The following PRKACB variants were observed in gnomAD, a reference collection of about 807,000 sequenced individuals.
The protein encoded by PRKACB is protein kinase cAMP-activated catalytic subunit beta, also known as cAMP-dependent protein kinase catalytic subunit beta.
In PRKACB, 16 loss-of-function variants were observed where a neutral mutation model predicts 51.4. That is an observed-to-expected ratio of 0.31 (90% CI 0.21 to 0.47). The LOEUF is 0.47. Among genes scored for constraint, PRKACB ranks in the 20% least tolerant of loss-of-function variants. The pLI is 1.00. For missense variants in PRKACB, 309 were observed against 464.5 expected (o/e 0.67, Z 3.08); for synonymous variants, 147 against 154.4 (o/e 0.95, Z 0.35).
intron 5 of PRKACB, among the ~76,000 whole-genome samples, chr1:84,193,912 T>C (rs1290910413): frequency 1.3e-5 from 2 of 152,276 alleles, no homozygotes; most frequent in East Asian, 1.9e-4. Context: ...AAAATGATGG[T>C]GGCAGACTCA....
At chr1:84,094,119 A>G (rs1378870973) in intron 1 of PRKACB, among the ~76,000 whole-genome samples, 1 of 152,010 alleles carries the variant, frequency 6.6e-6, no homozygotes, top group Non-Finnish European at 1.5e-5. Flanking sequence ...TAGGACTTGC[A>G]ATACAGTAGT....
chr1:84,213,424 G>A (rs1032679371), intron 8 of PRKACB, among the ~76,000 whole-genome samples: 1 of 152,064 alleles, frequency 6.6e-6, no homozygotes, highest in African/African-American at 2.4e-5. Context: ...AATAGACTTA[G>A]GTCTCCTATA....
At chr1:84,177,031 A>G (rs556236938) in intron 1 of PRKACB, among the ~76,000 whole-genome samples, 120 of 152,126 alleles carry the variant, frequency 7.9e-4, no homozygotes, top group Non-Finnish European at 1.4e-3. Context: ...TCCACTTAGC[A>G]TAAAGTGACA....
intron 1 of PRKACB, among the ~76,000 whole-genome samples, chr1:84,103,028 G>A (rs1649470618): frequency 6.6e-6 from 1 of 152,092 alleles, no homozygotes; most frequent in South Asian, 2.1e-4. Flanking sequence ...ATGAGGAGTT[G>A]CACTCAGGAA....
At chr1:84,211,573 G>A (rs990273569) in intron 8 of PRKACB, among the ~76,000 whole-genome samples, 1 of 152,096 alleles carries the variant, frequency 6.6e-6, no homozygotes, top group African/African-American at 2.4e-5. Flanking sequence ...GAAAATTTCA[G>A]TCTTTTAGAA....
At chr1:84,103,332 C>T (rs766789826) in intron 1 of PRKACB, among the ~76,000 whole-genome samples, 17 of 149,734 alleles carry the variant, frequency 1.1e-4, no homozygotes, top group Non-Finnish European at 1.8e-4. Context: ...CTCTTTTAAG[C>T]GAACTGCTAT....
At chr1:84,110,897 T>C (rs1650179392) in intron 1 of PRKACB, among the ~76,000 whole-genome samples, 1 of 152,004 alleles carries the variant, frequency 6.6e-6, no homozygotes, top group Non-Finnish European at 1.5e-5. Flanking sequence ...TTGGGTGTCA[T>C]CTTAGATTCT....
intron 9 of PRKACB, among the ~76,000 whole-genome samples, chr1:84,220,249 T>C (rs999497382): frequency 6.6e-6 from 1 of 152,188 alleles, no homozygotes; most frequent in African/African-American, 2.4e-5. Flanking sequence ...CTGATTTCTT[T>C]CTTAGCTTGA....
chr1:84,214,883 T>A (rs1672672980), intron 9 of PRKACB, among the ~76,000 whole-genome samples: 1 of 152,230 alleles, frequency 6.6e-6, no homozygotes, highest in Non-Finnish European at 1.5e-5. Context: ...CTATGCTTGT[T>A]ACGCTTCACA....
chr1:84,179,729 T>C (rs1558136813), intron 2 of PRKACB, among the ~76,000 whole-genome samples: 1 of 151,914 alleles, frequency 6.6e-6, no homozygotes, highest in African/African-American at 2.4e-5. Context: ...AAACTGTATA[T>C]AAAAAACCAT....
At chr1:84,168,811 TA>T (rs1658407686) in intron 1 of PRKACB, among the ~76,000 whole-genome samples, 2 of 151,564 alleles carry the variant, frequency 1.3e-5, no homozygotes, top group Non-Finnish European at 3.0e-5. Context: ...CTAAAACAGC[TA>T]TAGTGGGACA....
At chr1:84,083,447 T>C (rs958529916) in intron 1 of PRKACB, among the ~76,000 whole-genome samples, 2 of 152,194 alleles carry the variant, frequency 1.3e-5, no homozygotes, top group African/African-American at 4.8e-5. Flanking sequence ...GTAGACAGAT[T>C]GTTGCTTTTT....
chr1:84,118,953 A>G (rs1323115469), intron 1 of PRKACB, among the ~76,000 whole-genome samples: 3 of 152,216 alleles, frequency 2.0e-5, no homozygotes, highest in Non-Finnish European at 4.4e-5. Context: ...TGCAAGAAGC[A>G]GAGACCCTAT....
intron 9 of PRKACB, 143 bp downstream of exon 9, chr1:84,214,460 G>T: frequency 1.3e-6 from 1 of 757,154 alleles, no homozygotes; most frequent in Non-Finnish European, 1.9e-6. Flanking sequence ...GTACTTTACA[G>T]CCCATAACTT....
At chr1:84,180,543 C>T (rs1663078191) in intron 2 of PRKACB, among the ~76,000 whole-genome samples, 1 of 151,564 alleles carries the variant, frequency 6.6e-6, no homozygotes, top group African/African-American at 2.4e-5. Context: ...TAACCAAATA[C>T]CACCTGTACC....
intron 1 of PRKACB, among the ~76,000 whole-genome samples, chr1:84,098,989 C>T (rs1159311523): frequency 6.6e-6 from 1 of 151,940 alleles, no homozygotes; most frequent in African/African-American, 2.4e-5. Flanking sequence ...AAAGATAGAA[C>T]ATGGTTAGAG....
chr1:84,164,724 A>G, intron 1 of PRKACB: 1 of 1,380,014 alleles, frequency 7.2e-7, no homozygotes, highest in South Asian at 1.8e-5. Context: ...TGGTATATGA[A>G]GGAGGCTGGG....
chr1:84,090,917 A>G (rs772941166), intron 1 of PRKACB, among the ~76,000 whole-genome samples: 2 of 152,032 alleles, frequency 1.3e-5, no homozygotes. Flanking sequence ...TCACTCCACT[A>G]TTACTTTGGA....
intron 5 of PRKACB, among the ~76,000 whole-genome samples, chr1:84,193,531 A>C (rs1489463095): frequency 6.6e-6 from 1 of 152,196 alleles, no homozygotes; most frequent in East Asian, 1.9e-4. Flanking sequence ...AAAAAGGAGA[A>C]GTTTTACGTT....
Sources: allele counts gnomAD v4.1 joint callset (sites outside exome capture counted in the v4.1 genomes callset), GRCh38; gene constraint gnomAD v4.1.1; transcripts MANE v1.5; gene names NCBI Gene and HGNC (gene_info 2026-07-23, HGNC 2026-07-21).